TRMT11: variants seen among roughly 807,000 people sequenced by gnomAD.
TRMT11 encodes tRNA (guanine(10)-N(2))-methyltransferase TRMT11.
TRMT11 carries 53 observed loss-of-function variants against 62.8 expected under a neutral mutation model. The ratio of observed to expected loss-of-function variants is 0.84; its 90% CI spans 0.68 to 1.06. The LOEUF (loss-of-function observed/expected upper bound fraction) is 1.06. Among genes scored for constraint, TRMT11 ranks in the 50% least tolerant of loss-of-function variants. The pLI, the probability that TRMT11 is intolerant of heterozygous loss-of-function variation, is 0.00. For missense variants in TRMT11, 556 were observed against 553.4 expected (o/e 1.00, Z -0.05); for synonymous variants, 188 against 190.3 (o/e 0.99, Z 0.10).
chr6:126,270,752 A>G, the TRMT11 span, among the ~76,000 whole-genome samples: 1 of 152,204 alleles, frequency 6.6e-6, no homozygotes, highest in Non-Finnish European at 1.5e-5. Context: ...AATTATTTCA[A>G]AATAATAAGT....
downstream of TRMT11, among the ~76,000 whole-genome samples, chr6:126,039,762 G>A (rs1188781833): frequency 6.6e-6 from 1 of 151,976 alleles, no homozygotes. Flanking sequence ...CCTCAGCAGG[G>A]TGGCAGTAAA....
chr6:126,159,449 A>G (rs1381238072), intron 21 of TRMT11, among the ~76,000 whole-genome samples: 4 of 152,212 alleles, frequency 2.6e-5, no homozygotes, highest in Non-Finnish European at 4.4e-5. Flanking sequence ...TCTCTGAGCT[A>G]TATTTTGCTG....
At chr6:126,053,172 G>A (rs756805106) in exon 17 of TRMT11, among the ~76,000 whole-genome samples, 8 of 152,096 alleles carry the variant, frequency 5.3e-5, no homozygotes, top group Admixed American at 2.0e-4. Context: ...GGAGGATGGC[G>A]GTGGTATGAA....
chr6:126,259,494 G>A, the TRMT11 span, among the ~76,000 whole-genome samples: 2 of 152,180 alleles, frequency 1.3e-5, no homozygotes. Context: ...ACCGCACCTG[G>A]CCTGCACCAC....
intron 16 of TRMT11, among the ~76,000 whole-genome samples, chr6:126,044,744 A>G (rs768010718): frequency 3.3e-5 from 5 of 152,170 alleles, no homozygotes; most frequent in Non-Finnish European, 5.9e-5. Flanking sequence ...GAGTAAAGGC[A>G]TGCTTACTGC....
chr6:125,991,604 C>G (rs1487077221), intron 1 of TRMT11, among the ~76,000 whole-genome samples: 1 of 151,986 alleles, frequency 6.6e-6, no homozygotes. Context: ...CCATACCTGG[C>G]TGCTTAAAAT....
intron 17 of TRMT11, among the ~76,000 whole-genome samples, chr6:126,108,014 A>G (rs1289335280): frequency 1.3e-5 from 2 of 152,208 alleles, no homozygotes; most frequent in Admixed American, 6.5e-5. Context: ...AGCTTAAATA[A>G]TGGCAGACAG....
intron 21 of TRMT11, among the ~76,000 whole-genome samples, chr6:126,155,752 G>A (rs1047911431): frequency 6.6e-6 from 1 of 152,114 alleles, no homozygotes; most frequent in Non-Finnish European, 1.5e-5. Context: ...ACGGAGTCTC[G>A]CTCTGTCACC....
At chr6:126,153,187 A>T (rs1161120851) in intron 21 of TRMT11, among the ~76,000 whole-genome samples, 1 of 152,222 alleles carries the variant, frequency 6.6e-6, no homozygotes, top group Non-Finnish European at 1.5e-5. Context: ...CCCTTCAAGA[A>T]GGCTATAACA....
chr6:126,169,659 A>T (rs1455047189), intron 21 of TRMT11, among the ~76,000 whole-genome samples: 1 of 152,232 alleles, frequency 6.6e-6, no homozygotes, highest in African/African-American at 2.4e-5. Flanking sequence ...AATATTTTAC[A>T]TAGGACACAA....
the TRMT11 span, among the ~76,000 whole-genome samples, chr6:126,249,498 C>T: frequency 1.3e-5 from 2 of 151,960 alleles, no homozygotes; most frequent in African/African-American, 4.8e-5. Flanking sequence ...TTGTGTTAAA[C>T]TATAGACAAA....
the TRMT11 span, among the ~76,000 whole-genome samples, chr6:126,238,794 C>T: frequency 6.6e-6 from 1 of 152,096 alleles, no homozygotes; most frequent in African/African-American, 2.4e-5. Flanking sequence ...TTGATCTATC[C>T]AATGTTGACA....
At chr6:126,147,875 A>G (rs1269709627) in intron 21 of TRMT11, among the ~76,000 whole-genome samples, 1 of 151,996 alleles carries the variant, frequency 6.6e-6, no homozygotes, top group East Asian at 1.9e-4. Flanking sequence ...GGAGGGAAAC[A>G]TCACACACTG....
At chr6:126,224,897 C>G in the TRMT11 span, among the ~76,000 whole-genome samples, 7 of 152,268 alleles carry the variant, frequency 4.6e-5, no homozygotes, top group African/African-American at 1.7e-4. Flanking sequence ...TGCAGAAGCT[C>G]TTTGATGATT....
At chr6:126,204,429 G>A (rs1201262350), downstream of TRMT11, among the ~76,000 whole-genome samples, 3 of 152,232 alleles carry the variant, frequency 2.0e-5, no homozygotes, top group South Asian at 2.1e-4. Flanking sequence ...TGGAGGGAGA[G>A]AAGGTATTGT....
At chr6:126,076,369 A>ATC (rs1477453630) in intron 17 of TRMT11, among the ~76,000 whole-genome samples, 3 of 152,186 alleles carry the variant, frequency 2.0e-5, no homozygotes, top group African/African-American at 7.2e-5. Flanking sequence ...GCCATCAGTG[A>ATC]ATGTGTCCTT....
the TRMT11 span, among the ~76,000 whole-genome samples, chr6:126,213,142 C>T: frequency 1.6e-4 from 25 of 152,006 alleles, no homozygotes; most frequent in South Asian, 6.2e-4. Context: ...TCTGTTTTTA[C>T]GCCAGCACCA....
At chr6:126,192,703 TG>T (rs912979287) in intron 1 of TRMT11, among the ~76,000 whole-genome samples, 10 of 152,276 alleles carry the variant, frequency 6.6e-5, no homozygotes, top group African/African-American at 1.4e-4. Flanking sequence ...AATGATCATA[TG>T]TTTTTTTGCC....
At chr6:126,270,552 G>A in the TRMT11 span, among the ~76,000 whole-genome samples, 1 of 151,976 alleles carries the variant, frequency 6.6e-6, no homozygotes, top group Non-Finnish European at 1.5e-5. Flanking sequence ...TTAGATAAAA[G>A]TATTGTATCA....
Sources: allele counts gnomAD v4.1 joint callset (sites outside exome capture counted in the v4.1 genomes callset), GRCh38; gene constraint gnomAD v4.1.1; transcripts MANE v1.5; gene names NCBI Gene and HGNC (gene_info 2026-07-23, HGNC 2026-07-21).